GNPTAB: variants seen among roughly 807,000 people sequenced by gnomAD.
The protein encoded by GNPTAB is N-acetylglucosamine-1-phosphate transferase subunits alpha and beta, also known as N-acetylglucosamine-1-phosphotransferase subunits alpha/beta.
In GNPTAB, 92 loss-of-function variants were observed where a neutral mutation model predicts 136.6. The observed-to-expected ratio is 0.67, with a 90% confidence interval of 0.57 to 0.80. GNPTAB has a LOEUF of 0.80. Among genes scored for constraint, GNPTAB ranks in the 30% least tolerant of loss-of-function variants. The pLI is 0.00. For missense variants in GNPTAB, 1,343 were observed against 1,501.8 expected, an observed-to-expected ratio of 0.89 and a Z score of 1.75; for synonymous variants, 512 against 535.1, an observed-to-expected ratio of 0.96 and a Z score of 0.60.
At chr12:101,780,397 A>G in intron 6 of GNPTAB, 111 bp from the exon 7 acceptor site, 2 of 1,264,338 alleles carry the variant, frequency 1.6e-6, no homozygotes, top group Non-Finnish European at 2.3e-6. Context: ...GCTTCAAAAT[A>G]TGATTTTTAG....
chr12:101,807,008 T>G (rs926884477), intron 1 of GNPTAB, among the ~76,000 whole-genome samples: 9 of 152,150 alleles, frequency 5.9e-5, no homozygotes, highest in Non-Finnish European at 1.0e-4. Flanking sequence ...CTATCTCTCA[T>G]GAACACAGAT....
chr12:101,786,187 G>T lies in GNPTAB; in HGVS notation c.396C>A (p.His132Gln). The T allele has an allele frequency of 6.2e-7, 1 of 1,613,772 alleles. No homozygotes were observed. Among genetic ancestry groups the T allele is most frequent in the East Asian group, 2.2e-5 (1 of 44,858 alleles). Residue 132 changes from histidine to glutamine, a missense_variant, in exon 5 of 21, where the codon CAC becomes CAA. Physicochemically the swap from His to Gln is conservative, Grantham distance 24 (BLOSUM62 0). Transcript: ENST00000299314. The part of the protein sequence containing the change: ...SEKQLECLLT[H>Q]CIKVPMLVLD... ...GGACAAGCATTGGCACCTTAATGCA[G>T]TGTGTTAGCAAACACTCTAACTGCT...
chr12:101,788,873 G>A (rs1868822620), intron 3 of GNPTAB, among the ~76,000 whole-genome samples: 1 of 152,218 alleles, frequency 6.6e-6, no homozygotes, highest in Admixed American at 6.5e-5. Flanking sequence ...ACGAATCAAA[G>A]GGGAATTACA....
At chr12:101,773,073 A>C (rs552486378) in intron 7 of GNPTAB, 11 of 187,758 alleles carry the variant, frequency 5.9e-5, no homozygotes. Flanking sequence ...GGCCTCCCAA[A>C]GTGCTGGGAT....
At chr12:101,824,432 A>ATTTTT (rs1555276244) in intron 1 of GNPTAB, among the ~76,000 whole-genome samples, 2 of 50,886 alleles carry the variant, frequency 3.9e-5, no homozygotes, top group Non-Finnish European at 7.0e-5. Context: ...ATATATATAT[A>ATTTTT]TTTTCTTTTT....
intron 1 of GNPTAB, among the ~76,000 whole-genome samples, chr12:101,821,057 C>CAA (rs57630700): frequency 7.4e-4 from 21 of 28,500 alleles, no homozygotes; most frequent in Middle Eastern, 0.019. Context: ...GACTCCGTCT[C>CAA]AAAAAAAAAA....
chr12:101,762,058 G>A (rs1953006287), intron 13 of GNPTAB, among the ~76,000 whole-genome samples: 1 of 152,190 alleles, frequency 6.6e-6, no homozygotes, highest in Non-Finnish European at 1.5e-5. Flanking sequence ...CTGACTGTGA[G>A]ATGTCAAAGC....
intron 2 of GNPTAB, among the ~76,000 whole-genome samples, chr12:101,791,567 A>G (rs1868992881): frequency 1.3e-5 from 2 of 152,064 alleles, no homozygotes. Context: ...CCTTGGCCAC[A>G]TACGGCCCAC....
At position 101,769,453 on chromosome 12, in the gene GNPTAB, T is replaced by C. The variant is rs77305888; in HGVS notation, c.1284+568A>G. Among the ~76,000 whole-genome samples, 337 of 152,250 alleles carry C rather than the reference T, an allele frequency of 2.2e-3. 2 individuals are homozygous for C. The highest frequency in any genetic ancestry group is 7.8e-3 in the African/African-American group (322 of 41,538). On this transcript the variant is annotated intron_variant, in intron 10 of 20. Transcript: ENST00000299314. Reference sequence around the variant, plus strand: ...CTTTTTCTGCTATCGTAGTAGAAAATTGAGATGGTTGGGAAAAAGTGTGGG... The same window carrying C: ...CTTTTTCTGCTATCGTAGTAGAAAACTGAGATGGTTGGGAAAAAGTGTGGG...
At position 101,786,110 on chromosome 12, in the gene GNPTAB, T is replaced by C. The variant is rs148635788; in HGVS notation, c.473A>G (p.Tyr158Cys). The C allele has an allele frequency of 3.1e-6, 5 of 1,613,908 alleles. No homozygotes were observed. The highest frequency in any genetic ancestry group is 1.3e-5 in the African/African-American group (1 of 74,916). Residue 158 changes from tyrosine (Y) to cysteine (C), a missense_variant, in exon 5 of 21, where the codon TAT becomes TGT. Tyr to Cys is a radical substitution (Grantham distance 194, BLOSUM62 -2). Transcript: ENST00000299314. ...GTCACTGGCAGAATGAAAAGAAGGA[T>C]AAAGAGATGGCAGGTCCTTCAGGGT... ...NITLKDLPSL[Y>C]PSFHSASDIF... is the part of the protein sequence containing the mutation.
chr12:101,830,708 G>A lies in GNPTAB; in HGVS notation c.-33C>T, dbSNP rs372860805. The A allele has an allele frequency of 2.3e-4, 315 of 1,352,974 alleles. 1 individual carries two copies. Among genetic ancestry groups the A allele is most frequent in the Admixed American group, 9.4e-4 (50 of 53,466 alleles). 83.8% of individuals were successfully genotyped at this position (1,352,974 alleles called of 1,614,324 possible). ...TCACCGCCACGCCACGCCCCGAGGAGCCTGAGCCGCCGCCGCCGCCGCCGC... is the reference window on the plus strand; with the variant it reads ...TCACCGCCACGCCACGCCCCGAGGAACCTGAGCCGCCGCCGCCGCCGCCGC... On this transcript the variant is annotated 5_prime_UTR_variant, in exon 1 of 21. Transcript: ENST00000299314.
intron 13 of GNPTAB, 90 bp downstream of exon 13, chr12:101,764,112 G>A: frequency 6.5e-7 from 1 of 1,548,712 alleles, no homozygotes; most frequent in South Asian, 1.1e-5. Flanking sequence ...GCACAGGGAA[G>A]TGCTGAATAA....
chr12:101,759,362 CAAAA>C (rs34183008), intron 16 of GNPTAB, among the ~76,000 whole-genome samples: 1 of 50,894 alleles, frequency 2.0e-5, no homozygotes. Flanking sequence ...GACTCCGTCT[CAAAA>C]AAAAAAAAAA....
chr12:101,800,377 C>T (rs74974799), intron 1 of GNPTAB, among the ~76,000 whole-genome samples: 1,767 of 151,892 alleles, frequency 0.012, 21 homozygotes, highest in Non-Finnish European at 0.014. Context: ...TCTTCTCTTG[C>T]GAACAATTTT....
chr12:101,771,524 G>A (rs1003190481), intron 7 of GNPTAB, among the ~76,000 whole-genome samples: 6 of 152,124 alleles, frequency 3.9e-5, no homozygotes, highest in Non-Finnish European at 8.8e-5. Flanking sequence ...GATTACAGGC[G>A]TGAGCCACTG....
In GNPTAB at chr12:101,766,103, C is replaced by T. The variant is rs750240374; in HGVS notation, c.1600G>A (p.Asp534Asn). 1.9e-6 allele frequency: 3 copies of T among 1,613,822 alleles called. No individual in the cohort carries two copies. The highest frequency in any genetic ancestry group is 1.3e-5 in the African/African-American group (1 of 74,920). Residue 534 changes from aspartate (D) to asparagine (N), a missense_variant, in exon 12 of 21, where the codon GAC (aspartate) becomes AAC (asparagine). Coordinates refer to ENST00000299314, the MANE Select transcript of GNPTAB (RefSeq NM_024312.5). ...NVLSCGFDAG[D>N]CGQDHFHELY... is the part of the protein sequence containing the mutation. Reference sequence around the variant, plus strand: ...GCAGTAAACATACCTTGCCCACAGTCGCCAGCATCAAACCCACAGGACAAG... The same window carrying T: ...GCAGTAAACATACCTTGCCCACAGTTGCCAGCATCAAACCCACAGGACAAG...
chr12:101,746,452 C>G lies in GNPTAB; in HGVS notation c.*712G>C, dbSNP rs1952736492. ...TTACATCTGGTAAGTAGTACTAACT[C>G]TAGCCCTTTGAAATTAGACCTGCAC... is the stretch of plus-strand genomic sequence containing the variant. On this transcript the variant is annotated 3_prime_UTR_variant, in exon 21 of 21. Transcript: ENST00000299314. 6.6e-6 allele frequency: 1 copy of G among 152,362 alleles called. No individual in the cohort carries two copies. The highest frequency in any genetic ancestry group is 2.4e-5 in the African/African-American group (1 of 41,458). 9.4% of individuals were successfully genotyped at this position (152,362 alleles called of 1,614,324 possible).
chr12:101,796,291 AT>A (rs1174183831), intron 2 of GNPTAB: 3 of 702,424 alleles, frequency 4.3e-6, no homozygotes, highest in Non-Finnish European at 7.8e-6. Context: ...CAATCATGCA[AT>A]TTAAGGTACC....
intron 3 of GNPTAB, 42 bp downstream of exon 3, chr12:101,789,896 G>T: frequency 6.3e-7 from 1 of 1,584,476 alleles, no homozygotes; most frequent in Non-Finnish European, 8.7e-7. Flanking sequence ...TTATTACATC[G>T]CCACATTACC....
Sources: gnomAD v4.1 joint callset for allele counts (sites outside exome capture counted in the v4.1 genomes callset) on GRCh38, gnomAD v4.1.1 for gene constraint, MANE v1.5 for transcripts, NCBI Gene and HGNC (gene_info 2026-07-23, HGNC 2026-07-21) for gene names.